FNDC3B: variants seen among roughly 807,000 people sequenced by gnomAD.
FNDC3B encodes fibronectin type III domain-containing protein 3B.
In FNDC3B, 12 loss-of-function variants were observed where a neutral mutation model predicts 151.5. That is an observed-to-expected ratio of 0.08 (90% CI 0.05 to 0.13). FNDC3B has a LOEUF of 0.13. Ranked by LOEUF, FNDC3B falls within the 10% of genes least tolerant of loss-of-function variation. FNDC3B has a pLI of 1.00. For synonymous variants in FNDC3B, 528 were observed against 549.0 expected (o/e 0.96, Z 0.54); for missense variants, 1,214 against 1,505.3 (o/e 0.81, Z 3.20).
At chr3:172,206,575 C>T (rs757980898) in intron 3 of FNDC3B, among the ~76,000 whole-genome samples, 9 of 143,342 alleles carry the variant, frequency 6.3e-5, no homozygotes, top group African/African-American at 1.6e-4. Context: ...ATGAGAATCA[C>T]GTGAATCCAG....
chr3:172,329,349 A>G (rs979546371), intron 12 of FNDC3B: 29 of 357,482 alleles, frequency 8.1e-5, no homozygotes, highest in African/African-American at 6.1e-4. Context: ...CTTGAAAGGA[A>G]TTCCTCTTGG....
Position 172,296,338 on chromosome 3 carries a change from C to T in FNDC3B, c.1001+824C>T, listed in dbSNP as rs577301259. 2.8e-4 allele frequency among the ~76,000 whole-genome samples: 43 copies of T among 152,310 alleles called. No homozygotes were observed. The South Asian group carries it at 5.0e-3, about 18-fold the overall frequency. On this transcript the variant is annotated intron_variant, in intron 8 of 25. Transcript: ENST00000415807. ...TCCTGCTGCATCAGTGCCACAGATG[C>T]GTATCTCCCCTTTCCTGTTCCTAAT...
chr3:172,230,976 A>G (rs1473426297), intron 4 of FNDC3B, among the ~76,000 whole-genome samples: 1 of 146,176 alleles, frequency 6.8e-6, no homozygotes, highest in African/African-American at 2.4e-5. Context: ...AGAAATGAAA[A>G]CATATGACCA....
intron 1 of FNDC3B, among the ~76,000 whole-genome samples, chr3:172,090,715 T>C (rs901516861): frequency 2.0e-5 from 3 of 152,174 alleles, no homozygotes; most frequent in African/African-American, 7.2e-5. Context: ...TATCTGCAAT[T>C]TGAAAATCCA....
intron 1 of FNDC3B, among the ~76,000 whole-genome samples, chr3:172,046,724 G>A (rs1056356988): frequency 2.6e-5 from 4 of 152,160 alleles, no homozygotes; most frequent in African/African-American, 9.7e-5. Flanking sequence ...GAGTCACAGT[G>A]TTATTTGAGG....
chr3:172,343,291 TC>T (rs1172811692), intron 18 of FNDC3B, among the ~76,000 whole-genome samples, 175 bp downstream of exon 18: 1 of 152,104 alleles, frequency 6.6e-6, no homozygotes, highest in Admixed American at 6.6e-5. Flanking sequence ...TGTGTGTCAT[TC>T]CCCCCATCCA....
intron 6 of FNDC3B, among the ~76,000 whole-genome samples, chr3:172,271,840 C>T (rs1024434223): frequency 1.3e-5 from 2 of 152,170 alleles, no homozygotes; most frequent in African/African-American, 4.8e-5. Flanking sequence ...CATTCTGTAC[C>T]GGGTAGTACA....
chr3:172,158,889 T>G (rs1404396294), intron 3 of FNDC3B, among the ~76,000 whole-genome samples: 2 of 152,222 alleles, frequency 1.3e-5, no homozygotes, highest in East Asian at 3.9e-4. Flanking sequence ...CCCTCCTCCC[T>G]TATCTTCCTT....
At chr3:172,104,061 T>G (rs1358770866) in intron 1 of FNDC3B, among the ~76,000 whole-genome samples, 2 of 152,238 alleles carry the variant, frequency 1.3e-5, no homozygotes, top group Non-Finnish European at 2.9e-5. Context: ...CACTGTGTGC[T>G]CAATACATTC....
At chr3:172,247,411 A>T (rs1167972249) in intron 4 of FNDC3B, 122 bp from the exon 5 acceptor site, 3 of 1,025,846 alleles carry the variant, frequency 2.9e-6, no homozygotes, top group Non-Finnish European at 4.3e-6. Flanking sequence ...AGAATACAAC[A>T]TGCATTTGTT....
intron 16 of FNDC3B, chr3:172,337,619 A>T: frequency 1.1e-5 from 5 of 468,080 alleles, no homozygotes; most frequent in South Asian, 3.2e-5. Flanking sequence ...TTATTTAACA[A>T]TTTTTCTGTA....
At chr3:172,093,958 T>C (rs969012116) in intron 1 of FNDC3B, among the ~76,000 whole-genome samples, 1 of 152,218 alleles carries the variant, frequency 6.6e-6, no homozygotes, top group Non-Finnish European at 1.5e-5. Flanking sequence ...AGGTGTAAAA[T>C]TTAATATTTT....
intron 3 of FNDC3B, among the ~76,000 whole-genome samples, chr3:172,176,894 A>G (rs1167080111): frequency 1.3e-5 from 2 of 152,170 alleles, no homozygotes; most frequent in African/African-American, 4.8e-5. Flanking sequence ...ATACATCATC[A>G]TGGGCAAGTG....
At chr3:172,115,705 C>T (rs1227463481) in intron 2 of FNDC3B, among the ~76,000 whole-genome samples, 3 of 152,130 alleles carry the variant, frequency 2.0e-5, no homozygotes, top group Non-Finnish European at 4.4e-5. Flanking sequence ...GCGGTGGCAT[C>T]CTAAGGTATG....
chr3:172,173,990 G>A (rs7653524), intron 3 of FNDC3B, among the ~76,000 whole-genome samples: 152,260 of 152,318 alleles, frequency 1, 76,102 homozygotes, highest in Middle Eastern at 1. Context: ...TCTCGAGTTC[G>A]TCAGCGAACT....
rs114529558 is a variant in FNDC3B, at chr3:172,124,926, T to A, written c.112-8545T>A. The stretch of plus-strand genomic sequence containing the variant: ...CACACGCTGTAAGGCGGCAGTCATC[T>A]TTATAGACAAAACCCGAGGCGAGAA... On this transcript the variant is annotated intron_variant, in intron 2 of 25. Coordinates refer to ENST00000415807, the MANE Select transcript of FNDC3B (RefSeq NM_022763.4). 7.7e-3 allele frequency among the ~76,000 whole-genome samples: 1,175 copies of A among 152,364 alleles called. 13 individuals are homozygous for A. Among genetic ancestry groups the A allele is most frequent in the African/African-American group, 0.026 (1,091 of 41,590 alleles).
At chr3:172,151,822 G>A (rs1436465723) in intron 3 of FNDC3B, among the ~76,000 whole-genome samples, 1 of 152,188 alleles carries the variant, frequency 6.6e-6, no homozygotes, top group Non-Finnish European at 1.5e-5. Flanking sequence ...ATTTGTTACA[G>A]CATTGATGAG....
chr3:172,383,834 G>C lies in FNDC3B; in HGVS notation c.3303+2741G>C, dbSNP rs543937649. ...TCTGAAGGATTTAGATACTCTATAG[G>C]CTTTCATAATAGTCCCTAGAACTTG... On this transcript the variant is annotated intron_variant, in intron 25 of 25. Coordinates refer to ENST00000415807, the MANE Select transcript of FNDC3B (RefSeq NM_022763.4). Among the ~76,000 whole-genome samples, 89 of 152,252 alleles carry C rather than the reference G, an allele frequency of 5.8e-4. 1 individual carries two copies. The highest frequency in any genetic ancestry group is 1.9e-3 in the African/African-American group (81 of 41,548).
At chr3:172,223,144 A>G (rs1414859711) in intron 3 of FNDC3B, among the ~76,000 whole-genome samples, 1 of 152,242 alleles carries the variant, frequency 6.6e-6, no homozygotes, top group Non-Finnish European at 1.5e-5. Context: ...AAAGATTACA[A>G]TAATATTGGG....
Sources: allele counts gnomAD v4.1 joint callset (sites outside exome capture counted in the v4.1 genomes callset), GRCh38; gene constraint gnomAD v4.1.1; transcripts MANE v1.5; gene names NCBI Gene and HGNC (gene_info 2026-07-23, HGNC 2026-07-21).